RNF138: variants seen among roughly 807,000 people sequenced by gnomAD.
RNF138 encodes the protein E3 ubiquitin-protein ligase RNF138.
Under a neutral mutation model 31.0 loss-of-function variants are expected in RNF138, and 12 were observed. The ratio of observed to expected loss-of-function variants is 0.39; its 90% confidence interval spans 0.25 to 0.63. RNF138 has a LOEUF of 0.63. RNF138 is among the 20% of genes least tolerant of loss of function. RNF138 has a pLI of 0.52. For synonymous variants in RNF138, 105 were observed against 99.5 expected, an observed-to-expected ratio of 1.06 and a Z score of -0.33; for missense variants, 192 against 300.1, an observed-to-expected ratio of 0.64 and a Z score of 2.66.
At position 32,113,737 on chromosome 18, in the gene RNF138, A is replaced by C; in HGVS notation, c.277-8A>C. Reference sequence around the variant, plus strand: ...TTAAATTAAAAGTCACATTTTAATAATTTACAGATTAAATTCTATCGCATG... The same window carrying C: ...TTAAATTAAAAGTCACATTTTAATACTTTACAGATTAAATTCTATCGCATG... On this transcript the variant is annotated splice_polypyrimidine_tract_variant and splice_region_variant and intron_variant, in intron 3 of 7. Transcript: ENST00000261593. The C allele has an allele frequency of 8.2e-7, 1 of 1,220,826 alleles. No homozygotes were observed. Among genetic ancestry groups the C allele is most frequent in the South Asian group, 1.4e-5 (1 of 69,752 alleles). The allele number at this position is 1,220,826 out of a possible 1,614,324, so 75.6% of individuals were successfully genotyped here.
At chr18:32,109,596 A>G (rs1027751802) in intron 2 of RNF138, 2 of 152,128 alleles carry the variant, frequency 1.3e-5, no homozygotes, top group Admixed American at 1.3e-4. Flanking sequence ...ACTATTTTTA[A>G]AACTAGTTTT....
intron 4 of RNF138, 53 bp from the exon 5 acceptor site, chr18:32,123,465 T>C (rs865983584): frequency 2.7e-6 from 3 of 1,112,658 alleles, no homozygotes; most frequent in South Asian, 3.0e-5. Context: ...AATGAACCTT[T>C]AGTGTGTTTT....
At chr18:32,110,239 T>C (rs2040104270) in intron 2 of RNF138, among the ~76,000 whole-genome samples, 1 of 152,164 alleles carries the variant, frequency 6.6e-6, no homozygotes, top group South Asian at 2.1e-4. Context: ...GCTGTCCTCC[T>C]GCCTTGTCCT....
rs1315758650 is a variant in RNF138 at position 32,111,882 on chromosome 18, G to A, written c.239G>A (p.Arg80Lys). ...ERALDLENIM[R>K]KFSGSCRCCA... ...GCCTTAGACCTTGAAAATATAATGA[G>A]GAAGTTTTCTGGTAGCTGCAGATGC... The change falls in exon 3 of 8, where the codon AGG (arginine) becomes AAG (lysine). Residue 80 changes from arginine (R) to lysine (K), a missense_variant. Arg to Lys is a conservative substitution (Grantham distance 26). Transcript: ENST00000261593. 1 of 1,613,106 alleles carries A rather than the reference G, an allele frequency of 6.2e-7. No individual in the cohort carries two copies. The highest frequency in any genetic ancestry group is 1.7e-5 in the Admixed American group (1 of 59,694).
At chr18:32,118,864 C>T (rs1043012422) in intron 4 of RNF138, among the ~76,000 whole-genome samples, 11 of 151,918 alleles carry the variant, frequency 7.2e-5, no homozygotes, top group African/African-American at 1.9e-4. Flanking sequence ...AATAATAATC[C>T]TTCATTACAT....
intron 2 of RNF138, among the ~76,000 whole-genome samples, chr18:32,107,056 C>G (rs1471376261): frequency 1.3e-5 from 2 of 151,676 alleles, no homozygotes; most frequent in African/African-American, 4.8e-5. Flanking sequence ...GGCTACTGGG[C>G]CACTGGATTA....
intron 4 of RNF138, among the ~76,000 whole-genome samples, chr18:32,118,700 G>C (rs1170463550): frequency 6.9e-6 from 1 of 145,496 alleles, no homozygotes. Context: ...GTGGTGGTGC[G>C]CGCCTGTAAT....
rs2039719352 is a variant in RNF138, at chr18:32,092,702, A to G, written c.-75A>G. 1.2e-6 allele frequency: 1 copy of G among 830,170 alleles called. No individual in the cohort carries two copies. Among genetic ancestry groups the G allele is most frequent in the South Asian group, 1.5e-5 (1 of 68,256 alleles). The allele number at this position is 830,170 out of a possible 1,614,324, so 51.4% of individuals were successfully genotyped here. On this transcript the variant is annotated splice_region_variant and 5_prime_UTR_variant, in exon 2 of 8. Transcript: ENST00000261593. ...CTCCCCCCTCCGGGTTCATGTAGGGAGTCGGGCCCCGGGCCGCCACCGTCA... is the reference window on the plus strand; with the variant it reads ...CTCCCCCCTCCGGGTTCATGTAGGGGGTCGGGCCCCGGGCCGCCACCGTCA...
rs374673906 is a variant in RNF138 at position 32,122,017 on chromosome 18, C to T, written c.393-1501C>T. ...CCGAGTAGTTGGGATTACAGGCGCCCGTCACCACACCCGGCTAATTTTTGT... is the reference window on the plus strand; with the variant it reads ...CCGAGTAGTTGGGATTACAGGCGCCTGTCACCACACCCGGCTAATTTTTGT... On this transcript the variant is annotated intron_variant, in intron 4 of 7. Transcript: ENST00000261593. Among the ~76,000 whole-genome samples the T allele has an allele frequency of 1.3e-3, 198 of 152,140 alleles. 1 individual carries two copies. The highest frequency in any genetic ancestry group is 4.5e-3 in the African/African-American group (185 of 41,506).
chr18:32,104,084 G>T (rs2039988868), intron 2 of RNF138, among the ~76,000 whole-genome samples: 1 of 148,558 alleles, frequency 6.7e-6, no homozygotes, highest in Admixed American at 6.8e-5. Context: ...CCTGATCTTG[G>T]CTCACTGCAA....
At chr18:32,106,109 C>G (rs927227421) in intron 2 of RNF138, among the ~76,000 whole-genome samples, 14 of 152,100 alleles carry the variant, frequency 9.2e-5, no homozygotes, top group African/African-American at 3.4e-4. Context: ...TCCCTCTCTT[C>G]TTTTAAAAAA....
rs373200041 is a variant in RNF138 at position 32,129,092 on chromosome 18, T to C, written c.670-27T>C. On this transcript the variant is annotated intron_variant, in intron 7 of 7. Coordinates refer to ENST00000261593, the MANE Select transcript of RNF138 (RefSeq NM_016271.5). ...TTAGAGTAGTTGAATATGTTTTTCC[T>C]GTTGACATGAATGTTATTGTTTTTA... 4 of 1,517,670 alleles carry C rather than the reference T, an allele frequency of 2.6e-6. No individual in the cohort carries two copies. In the African/African-American group the frequency reaches 4.1e-5, roughly 16 times the overall value. The allele number at this position is 1,517,670 out of a possible 1,614,324, so 94.0% of individuals were successfully genotyped here.
At chr18:32,105,528 T>C (rs1343839696) in intron 2 of RNF138, among the ~76,000 whole-genome samples, 1 of 152,220 alleles carries the variant, frequency 6.6e-6, no homozygotes, top group African/African-American at 2.4e-5. Context: ...GTGGCTTTGA[T>C]CAGTAAGATA....
intron 2 of RNF138, among the ~76,000 whole-genome samples, chr18:32,094,782 A>G (rs2039775230): frequency 1.3e-5 from 2 of 151,176 alleles, no homozygotes; most frequent in African/African-American, 4.9e-5. Flanking sequence ...GCTGCTAACT[A>G]TATATATATA....
chr18:32,106,803 T>C (rs2040037205), intron 2 of RNF138, among the ~76,000 whole-genome samples: 1 of 152,128 alleles, frequency 6.6e-6, no homozygotes, highest in Non-Finnish European at 1.5e-5. Flanking sequence ...CCTGACCTCG[T>C]GATCCGCCTG....
intron 4 of RNF138, among the ~76,000 whole-genome samples, chr18:32,122,015 C>T (rs1351085028): frequency 6.6e-6 from 1 of 152,052 alleles, no homozygotes; most frequent in African/African-American, 2.4e-5. Context: ...ATTACAGGCG[C>T]CCGTCACCAC....
chr18:32,113,895 A>G, intron 4 of RNF138, 35 bp downstream of exon 4: 1 of 1,052,490 alleles, frequency 9.5e-7, no homozygotes. Flanking sequence ...CAGAATTTTC[A>G]TAATTGAAAT....
chr18:32,105,862 T>C (rs1057456083), intron 2 of RNF138, among the ~76,000 whole-genome samples: 2 of 152,208 alleles, frequency 1.3e-5, no homozygotes, highest in African/African-American at 4.8e-5. Context: ...TATGTGACTT[T>C]TTTCCCCCTG....
intron 2 of RNF138, among the ~76,000 whole-genome samples, chr18:32,094,070 C>T (rs1178565957): frequency 6.6e-6 from 1 of 152,130 alleles, no homozygotes. Context: ...GGATTAAAGG[C>T]GTGAGCCACC....
Sources: allele counts gnomAD v4.1 joint callset (sites outside exome capture counted in the v4.1 genomes callset), GRCh38; gene constraint gnomAD v4.1.1; transcripts MANE v1.5; gene names NCBI Gene and HGNC (gene_info 2026-07-23, HGNC 2026-07-21).